The following NUPR1 variants were observed in gnomAD, a reference collection of about 807,000 sequenced individuals.
NUPR1 encodes the protein nuclear protein 1.
In NUPR1, 8 loss-of-function variants were observed where a neutral mutation model predicts 7.3. The ratio of observed to expected loss-of-function variants is 1.09; its 90% CI spans 0.64 to 1.97. The LOEUF is 1.97. Ranked by LOEUF, NUPR1 falls within the 30% of genes most tolerant of loss-of-function variation. NUPR1 has a pLI of 0.00. For synonymous variants in NUPR1, 39 were observed against 44.5 expected, an observed-to-expected ratio of 0.88 and a Z score of 0.49; for missense variants, 96 against 111.7, an observed-to-expected ratio of 0.86 and a Z score of 0.63.
rs1474129989 is a variant in NUPR1, at chr16:28,534,590, G to C, written c.*3093C>G. On this transcript the variant is annotated 3_prime_UTR_variant, in exon 3 of 3. Transcript: ENST00000324873. ...CTTCTTCGTGTATTCACTCTCTCTG[G>C]TTCCCTTTCATCATAAAACCCTGCT... The C allele has an allele frequency of 1.3e-5, 2 of 152,172 alleles. No homozygotes were observed. The highest frequency in any genetic ancestry group is 6.6e-5 in the Admixed American group (1 of 15,258). The allele number at this position is 152,172 out of a possible 1,614,324, so 9.4% of individuals were successfully genotyped here.
rs1189048084 is a variant in NUPR1 at position 28,532,733 on chromosome 16, T to C, written c.*4950A>G. On this transcript the variant is annotated 3_prime_UTR_variant, in exon 3 of 3. Coordinates refer to ENST00000324873, the MANE Select transcript of NUPR1 (RefSeq NM_012385.3). ...TTAACGAGAGTTTAGGATTCTTCAT[T>C]GTCAATACATGGTTCTTCCCAGGCA... The C allele has an allele frequency of 6.6e-6, 1 of 152,444 alleles. No individual in the cohort carries two copies. The highest frequency in any genetic ancestry group is 2.4e-5 in the African/African-American group (1 of 41,452). The allele number at this position is 152,444 out of a possible 1,614,324, so 9.4% of individuals were successfully genotyped here.
In NUPR1 at chr16:28,538,612, G is replaced by C. The variant is rs757195069; in HGVS notation, c.112+184C>G. On this transcript the variant is annotated intron_variant, in intron 1 of 2. Coordinates refer to ENST00000324873, the MANE Select transcript of NUPR1 (RefSeq NM_012385.3). ...TTGAGCCCAGGAGTTCGAGGCTGCG[G>C]TGAGTTGTTTGAGTTGTTGTGATCA... 3.3e-5 allele frequency: 23 copies of C among 695,480 alleles called. No individual in the cohort carries two copies. In the South Asian group the frequency reaches 3.5e-4, roughly 10 times the overall value. 43.1% of individuals were successfully genotyped at this position (695,480 alleles called of 1,614,324 possible).
rs779513499 is a variant in NUPR1, at chr16:28,535,580, CTTT to C, written c.*2100_*2102del. On this transcript the variant is annotated 3_prime_UTR_variant, in exon 3 of 3. Transcript: ENST00000324873. ...CTTTCTTTCCTTCCTTCCTTTCTTT[CTTT>C]CTTTCTTTCTTTCTTTCTTTCTTTC... 2.0e-4 allele frequency: 7 copies of C among 35,146 alleles called. 1 individual carries two copies. The East Asian group carries it at 0.013, about 64-fold the overall frequency. The allele number at this position is 35,146 out of a possible 1,614,324, so 2.2% of individuals were successfully genotyped here.
At position 28,536,859 on chromosome 16, in the gene NUPR1, T is replaced by C. The variant is rs1426492776; in HGVS notation, c.*824A>G. On this transcript the variant is annotated 3_prime_UTR_variant, in exon 3 of 3. Transcript: ENST00000324873. The stretch of plus-strand genomic sequence containing the variant: ...TGGTATTTTTAGTGGAGATGGGGTT[T>C]CACCATGTTGGTCAGGCTGGTCTTG... The C allele has an allele frequency of 6.6e-6, 1 of 152,078 alleles. No individual in the cohort carries two copies. Among genetic ancestry groups the C allele is most frequent in the African/African-American group, 2.4e-5 (1 of 41,380 alleles). The allele number at this position is 152,078 out of a possible 1,614,324, so 9.4% of individuals were successfully genotyped here.
At position 28,535,299 on chromosome 16, in the gene NUPR1, C is replaced by T. The variant is rs9923079; in HGVS notation, c.*2384G>A. 9,614 of 151,384 alleles carry T rather than the reference C, an allele frequency of 0.064. 427 individuals are homozygous for T. Among genetic ancestry groups the T allele is most frequent in the East Asian group, 0.2 (1,043 of 5,110 alleles). 9.4% of individuals were successfully genotyped at this position (151,384 alleles called of 1,614,324 possible). On this transcript the variant is annotated 3_prime_UTR_variant, in exon 3 of 3. Coordinates refer to ENST00000324873, the MANE Select transcript of NUPR1 (RefSeq NM_012385.3). ...CCTCCTTTCCTTCCTCTTTCTTTCC[C>T]TCCTTCTCTCTTTCTTTCTCTCTCT...
In NUPR1 at chr16:28,533,670, C is replaced by T. The variant is rs2151632605; in HGVS notation, c.*4013G>A. ...GCAGGTATGAGCTTCTGCACGCAGC[C>T]ATCAGGGAGGAAGAGAAGGAAACAT... On this transcript the variant is annotated 3_prime_UTR_variant, in exon 3 of 3. Transcript: ENST00000324873. 6.6e-6 allele frequency: 1 copy of T among 152,548 alleles called. No homozygotes were observed. Among genetic ancestry groups the T allele is most frequent in the South Asian group, 2.1e-4 (1 of 4,840 alleles). The allele number at this position is 152,548 out of a possible 1,614,324, so 9.4% of individuals were successfully genotyped here.
rs1406601108 is a variant in NUPR1, at chr16:28,535,544, C to CTTTCTTTCTTTCTTTCTTTCCTTCT, written c.*2138_*2139insAGAAGGAAAGAAAGAAAGAAAGAAA. 20 of 58,172 alleles carry CTTTCTTTCTTTCTTTCTTTCCTTCT rather than the reference C, an allele frequency of 3.4e-4. No homozygotes were observed. The highest frequency in any genetic ancestry group is 6.1e-4 in the Non-Finnish European group (17 of 27,760). The allele number at this position is 58,172 out of a possible 1,614,324, so 3.6% of individuals were successfully genotyped here. ...CTTTCTTTCTTTCTTTCTTTCTTTC[C>CTTTCTTTCTTTCTTTCTTTCCTTCT]TTCTTTCTTTCTTTCTTTCCTTCCT... On this transcript the variant is annotated 3_prime_UTR_variant, in exon 3 of 3. Coordinates refer to ENST00000324873, the MANE Select transcript of NUPR1 (RefSeq NM_012385.3).
intron 2 of NUPR1, 111 bp from the exon 3 acceptor site, chr16:28,537,780 C>T (rs2046634235): frequency 2.0e-6 from 1 of 504,494 alleles, no homozygotes; most frequent in East Asian, 3.3e-5. Context: ...CCTCTCTATC[C>T]TCAATTTCTG....
At position 28,537,678 on chromosome 16, in the gene NUPR1, T is replaced by G; in HGVS notation, c.*14-9A>C. On this transcript the variant is annotated splice_polypyrimidine_tract_variant and intron_variant, in intron 2 of 2. Coordinates refer to ENST00000324873, the MANE Select transcript of NUPR1 (RefSeq NM_012385.3). Reference sequence around the variant, plus strand: ...CCATGGTCTGGCCTCATCTGGGGGGTGAGGAAAAGCAGGTGGTAAAAGGGA... The same window carrying G: ...CCATGGTCTGGCCTCATCTGGGGGGGGAGGAAAAGCAGGTGGTAAAAGGGA... The G allele has an allele frequency of 8.1e-6, 2 of 247,834 alleles. No homozygotes were observed. Among genetic ancestry groups the G allele is most frequent in the Non-Finnish European group, 1.6e-5 (2 of 125,422 alleles). The allele number at this position is 247,834 out of a possible 1,614,324, so 15.4% of individuals were successfully genotyped here.
Position 28,535,592 on chromosome 16 carries a change from C to CTTTTCTTTCTTTCT in NUPR1, c.*2090_*2091insAGAAAGAAAGAAAA, listed in dbSNP as rs1406590742. The stretch of plus-strand genomic sequence containing the variant: ...CCTTCCTTTCTTTCTTTCTTTCTTT[C>CTTTTCTTTCTTTCT]TTTCTTTCTTTCTTTCTTTCTTTCT... On this transcript the variant is annotated 3_prime_UTR_variant, in exon 3 of 3. Transcript: ENST00000324873. The CTTTTCTTTCTTTCT allele has an allele frequency of 2.7e-5, 1 of 36,992 alleles. No homozygotes were observed. Among genetic ancestry groups the CTTTTCTTTCTTTCT allele is most frequent in the African/African-American group, 1.2e-4 (1 of 8,424 alleles). 2.3% of individuals were successfully genotyped at this position (36,992 alleles called of 1,614,324 possible).
chr16:28,535,601 TTTCTTTCTTTCTTTCTTTCTTC>T lies in NUPR1; in HGVS notation c.*2060_*2081del, dbSNP rs2046614776. ...CTTTCTTTCTTTCTTTCTTTCTTTC[TTTCTTTCTTTCTTTCTTTCTTC>T]TCTTTCTCTCTCTTTCTTCTTTTTC... On this transcript the variant is annotated 3_prime_UTR_variant, in exon 3 of 3. Coordinates refer to ENST00000324873, the MANE Select transcript of NUPR1 (RefSeq NM_012385.3). 3 of 38,686 alleles carry T rather than the reference TTTCTTTCTTTCTTTCTTTCTTC, an allele frequency of 7.8e-5. No homozygotes were observed. The highest frequency in any genetic ancestry group is 1.3e-4 in the Non-Finnish European group (3 of 22,562). 2.4% of individuals were successfully genotyped at this position (38,686 alleles called of 1,614,324 possible).
Position 28,535,564 on chromosome 16 carries a change from C to CTTTCTTTCTTTTCTTTCT in NUPR1, c.*2118_*2119insAGAAAGAAAAGAAAGAAA, listed in dbSNP as rs1237543681. The CTTTCTTTCTTTTCTTTCT allele has an allele frequency of 1.7e-5, 1 of 57,738 alleles. No homozygotes were observed. The highest frequency in any genetic ancestry group is 2.1e-4 in the Admixed American group (1 of 4,696). 3.6% of individuals were successfully genotyped at this position (57,738 alleles called of 1,614,324 possible). Reference sequence around the variant, plus strand: ...CTTTCCTTCTTTCTTTCTTTCTTTCCTTCCTTCCTTTCTTTCTTTCTTTCT... The same window carrying CTTTCTTTCTTTTCTTTCT: ...CTTTCCTTCTTTCTTTCTTTCTTTCCTTTCTTTCTTTTCTTTCTTTCCTTCCTTTCTTTCTTTCTTTCT... On this transcript the variant is annotated 3_prime_UTR_variant, in exon 3 of 3. Coordinates refer to ENST00000324873, the MANE Select transcript of NUPR1 (RefSeq NM_012385.3).
In NUPR1 at chr16:28,535,538, T is replaced by TCTTTCTTTCTTTCTTTC; in HGVS notation, c.*2144_*2145insGAAAGAAAGAAAGAAAG. ...TTCTTTCTTTCTTTCTTTCTTTCTT[T>TCTTTCTTTCTTTCTTTC]CTTTCCTTCTTTCTTTCTTTCTTTC... On this transcript the variant is annotated 3_prime_UTR_variant, in exon 3 of 3. Coordinates refer to ENST00000324873, the MANE Select transcript of NUPR1 (RefSeq NM_012385.3). The TCTTTCTTTCTTTCTTTC allele has an allele frequency of 2.9e-5, 2 of 69,858 alleles. No individual in the cohort carries two copies. The highest frequency in any genetic ancestry group is 6.4e-5 in the Non-Finnish European group (2 of 31,238). 4.3% of individuals were successfully genotyped at this position (69,858 alleles called of 1,614,324 possible).
chr16:28,535,571 C>CCTTCCTTCCTTCCTTCCTTT lies in NUPR1; in HGVS notation c.*2111_*2112insAAAGGAAGGAAGGAAGGAAG, dbSNP rs71140975. ...TCTTTCTTTCTTTCTTTCCTTCCTT[C>CCTTCCTTCCTTCCTTCCTTT]CTTTCTTTCTTTCTTTCTTTCTTTC... On this transcript the variant is annotated 3_prime_UTR_variant, in exon 3 of 3. Coordinates refer to ENST00000324873, the MANE Select transcript of NUPR1 (RefSeq NM_012385.3). The CCTTCCTTCCTTCCTTCCTTT allele has an allele frequency of 1.5e-3, 107 of 71,912 alleles. 2 individuals carry two copies. In the East Asian group the frequency reaches 0.015, roughly 10 times the overall value. The allele number at this position is 71,912 out of a possible 1,614,324, so 4.5% of individuals were successfully genotyped here.
intron 1 of NUPR1, 74 bp from the exon 2 acceptor site, chr16:28,538,229 G>GTGAAC (rs2046639053): frequency 1.9e-6 from 3 of 1,605,818 alleles, no homozygotes; most frequent in Non-Finnish European, 2.6e-6. Context: ...GAGAGGCAGG[G>GTGAAC]GTTCAGGGTT....
At position 28,534,421 on chromosome 16, in the gene NUPR1, T is replaced by C. The variant is rs1470819708; in HGVS notation, c.*3262A>G. 1 of 152,272 alleles carries C rather than the reference T, an allele frequency of 6.6e-6. No homozygotes were observed. The highest frequency in any genetic ancestry group is 2.4e-5 in the African/African-American group (1 of 41,438). The allele number at this position is 152,272 out of a possible 1,614,324, so 9.4% of individuals were successfully genotyped here. On this transcript the variant is annotated 3_prime_UTR_variant, in exon 3 of 3. Transcript: ENST00000324873. The stretch of plus-strand genomic sequence containing the variant: ...TTCTGTGGATGTCCTTGGGTCCCCA[T>C]GAACCACTGACTCCAAGTTCTGCAG...
chr16:28,538,947 A>T lies in NUPR1; in HGVS notation c.-40T>A. ...CTTCCCTGCCTCTCTTCTTCTCCTA[A>T]CGCTTTGTCTGTCTCTGCTTTCCTG... On this transcript the variant is annotated 5_prime_UTR_variant, in exon 1 of 3. Transcript: ENST00000324873. The T allele has an allele frequency of 1.3e-6, 2 of 1,545,304 alleles. No homozygotes were observed. The highest frequency in any genetic ancestry group is 1.8e-6 in the Non-Finnish European group (2 of 1,126,080).
rs1236236438 is a variant in NUPR1 at position 28,534,255 on chromosome 16, A to G, written c.*3428T>C. ...GGGAGAGTTGGGCCAGAGGTCCTTA[A>G]ATGTCCTTCCGGGTCATGGATTCAT... On this transcript the variant is annotated 3_prime_UTR_variant, in exon 3 of 3. Transcript: ENST00000324873. 1 of 152,154 alleles carries G rather than the reference A, an allele frequency of 6.6e-6. No individual in the cohort carries two copies. Among genetic ancestry groups the G allele is most frequent in the Non-Finnish European group, 1.5e-5 (1 of 68,068 alleles). The allele number at this position is 152,154 out of a possible 1,614,324, so 9.4% of individuals were successfully genotyped here.
At position 28,538,955 on chromosome 16, in the gene NUPR1, T is replaced by C. The variant is rs749992456; in HGVS notation, c.-48A>G. Reference sequence around the variant, plus strand: ...CCTCTCTTCTTCTCCTAACGCTTTGTCTGTCTCTGCTTTCCTGGCCCCGGG... The same window carrying C: ...CCTCTCTTCTTCTCCTAACGCTTTGCCTGTCTCTGCTTTCCTGGCCCCGGG... On this transcript the variant is annotated 5_prime_UTR_variant, in exon 1 of 3. Coordinates refer to ENST00000324873, the MANE Select transcript of NUPR1 (RefSeq NM_012385.3). The C allele has an allele frequency of 1.6e-5, 24 of 1,520,480 alleles. No individual in the cohort carries two copies. The highest frequency in any genetic ancestry group is 2.1e-5 in the Non-Finnish European group (23 of 1,106,526). The allele number at this position is 1,520,480 out of a possible 1,614,324, so 94.2% of individuals were successfully genotyped here.
Sources: gnomAD v4.1 joint callset for allele counts on GRCh38, gnomAD v4.1.1 for gene constraint, MANE v1.5 for transcripts, NCBI Gene and HGNC (gene_info 2026-07-23, HGNC 2026-07-21) for gene names.